The following FHIT variants were observed in gnomAD, a reference collection of about 807,000 sequenced individuals.
The protein encoded by FHIT is bis(5'-adenosyl)-triphosphatase.
FHIT carries 19 observed loss-of-function variants against 17.9 expected under a neutral mutation model. That is an observed-to-expected ratio of 1.06 (90% confidence interval 0.74 to 1.56). The LOEUF (loss-of-function observed/expected upper bound fraction) is 1.56. Ranked by LOEUF, FHIT falls within the 40% of genes most tolerant of loss-of-function variation. FHIT has a pLI of 0.00. For synonymous variants in FHIT, 81 were observed against 69.7 expected (o/e 1.16, Z -0.81); for missense variants, 248 against 189.2 (o/e 1.31, Z -1.82).
At chr3:60,005,353 T>G (rs1005651240) in intron 7 of FHIT, among the ~76,000 whole-genome samples, 2 of 152,128 alleles carry the variant, frequency 1.3e-5, no homozygotes, top group African/African-American at 4.8e-5. Context: ...CCTGAGGGTT[T>G]AGTAGGAGAG....
rs1453357644 is a variant in FHIT at position 59,908,177 on chromosome 3, C to T, written c.348+14169G>A. 2.0e-5 allele frequency among the ~76,000 whole-genome samples: 3 copies of T among 152,242 alleles called. No individual in the cohort carries two copies. The East Asian group carries it at 5.8e-4, about 29-fold the overall frequency. On this transcript the variant is annotated intron_variant, in intron 8 of 9. Coordinates refer to ENST00000492590, the MANE Select transcript of FHIT (RefSeq NM_002012.4). ...ATTATTTGGTCTTCCACAGCTGACT[C>T]ACTGCAAGCCATCCCTTTGAATTTG...
chr3:60,078,320 T>C (rs1046328142), intron 5 of FHIT, among the ~76,000 whole-genome samples: 1 of 152,154 alleles, frequency 6.6e-6, no homozygotes, highest in Non-Finnish European at 1.5e-5. Flanking sequence ...CAGTGTCTCC[T>C]GATATAATGC....
At chr3:60,789,613 G>A (rs1182369788) in intron 4 of FHIT, among the ~76,000 whole-genome samples, 1 of 152,200 alleles carries the variant, frequency 6.6e-6, no homozygotes, top group East Asian at 1.9e-4. Flanking sequence ...ATGGTGGGCA[G>A]CAATGTAAAT....
At chr3:60,532,120 T>A (rs1035660089) in intron 5 of FHIT, among the ~76,000 whole-genome samples, 1 of 152,160 alleles carries the variant, frequency 6.6e-6, no homozygotes, top group Non-Finnish European at 1.5e-5. Context: ...ACTGATTCAA[T>A]AAACTGTTGA....
At chr3:60,041,588 T>C (rs967279477) in intron 5 of FHIT, among the ~76,000 whole-genome samples, 3 of 152,180 alleles carry the variant, frequency 2.0e-5, no homozygotes, top group Admixed American at 6.5e-5. Flanking sequence ...AATGGCGGCA[T>C]CTCAATTAGT....
chr3:59,986,531 A>T (rs1559523570), intron 7 of FHIT, among the ~76,000 whole-genome samples: 363 of 4,578 alleles, frequency 0.079, 1 homozygote, highest in East Asian at 0.23. Context: ...ATATATATAT[A>T]TATATATATA....
chr3:60,755,945 G>A (rs374968418), intron 4 of FHIT, among the ~76,000 whole-genome samples: 3 of 152,128 alleles, frequency 2.0e-5, no homozygotes, highest in Non-Finnish European at 4.4e-5. Flanking sequence ...AGTATTTCCC[G>A]ATTAAACATA....
chr3:60,710,412 C>T (rs555806369), intron 4 of FHIT, among the ~76,000 whole-genome samples: 2 of 152,322 alleles, frequency 1.3e-5, no homozygotes, highest in Admixed American at 1.3e-4. Flanking sequence ...GAGTGCCAGA[C>T]AGTGGGCGCA....
intron 8 of FHIT, among the ~76,000 whole-genome samples, chr3:59,891,597 G>C (rs1424850730): frequency 6.6e-6 from 1 of 152,220 alleles, no homozygotes; most frequent in African/African-American, 2.4e-5. Flanking sequence ...ACACCAGGAA[G>C]CCACTGTGCC....
chr3:60,376,390 G>A (rs893540186), intron 5 of FHIT, among the ~76,000 whole-genome samples: 3 of 152,204 alleles, frequency 2.0e-5, no homozygotes, highest in Admixed American at 6.5e-5. Flanking sequence ...TTTACAAGGT[G>A]TGAACTTTCT....
chr3:60,695,264 C>T (rs944951465), intron 4 of FHIT, among the ~76,000 whole-genome samples: 13 of 151,848 alleles, frequency 8.6e-5, no homozygotes, highest in Non-Finnish European at 1.3e-4. Context: ...GGTGTGGTGG[C>T]GGGTACCTGT....
intron 6 of FHIT, among the ~76,000 whole-genome samples, chr3:60,012,469 A>G (rs1700181191): frequency 6.6e-6 from 1 of 151,762 alleles, no homozygotes; most frequent in African/African-American, 2.4e-5. Flanking sequence ...GGGTTTTGCC[A>G]TGTTGCCCAA....
intron 3 of FHIT, among the ~76,000 whole-genome samples, chr3:61,009,322 G>A (rs931136756): frequency 2.6e-5 from 4 of 152,072 alleles, no homozygotes; most frequent in African/African-American, 9.7e-5. Context: ...TCCCTAATTC[G>A]TCCTTAGTTC....
chr3:61,014,779 C>CAAAAAA (rs869289360), intron 3 of FHIT, among the ~76,000 whole-genome samples: 12 of 65,808 alleles, frequency 1.8e-4, no homozygotes, highest in Middle Eastern at 0.016. Flanking sequence ...GACTCTGCCT[C>CAAAAAA]AAAAAAAAAA....
intron 2 of FHIT, among the ~76,000 whole-genome samples, chr3:61,133,406 G>T (rs1224451437): frequency 6.6e-6 from 1 of 152,286 alleles, no homozygotes; most frequent in East Asian, 1.9e-4. Context: ...CTTCTATACT[G>T]CAATGCCAGG....
At chr3:60,645,474 T>C (rs2039833060) in intron 4 of FHIT, among the ~76,000 whole-genome samples, 1 of 152,134 alleles carries the variant, frequency 6.6e-6, no homozygotes, top group Admixed American at 6.5e-5. Context: ...CCTATTGGGG[T>C]TTTGGGTTAC....
intron 3 of FHIT, among the ~76,000 whole-genome samples, chr3:60,842,621 ATATGAGTGTATATATATATATATATTTTT>A (rs1302552754): frequency 6.4e-5 from 7 of 108,970 alleles, no homozygotes; most frequent in Non-Finnish European, 1.3e-4. Flanking sequence ...ATACATATAT[ATATGAGTGTATATATATATATATATTTTT>A]TTTTTTTTTT....
chr3:60,925,468 T>A (rs1274586226), intron 3 of FHIT, among the ~76,000 whole-genome samples: 4 of 152,140 alleles, frequency 2.6e-5, no homozygotes, highest in African/African-American at 9.7e-5. Flanking sequence ...CTAAGCTTCA[T>A]AAGTGAAGGA....
At chr3:60,642,740 C>G (rs1034368661) in intron 4 of FHIT, among the ~76,000 whole-genome samples, 2 of 152,080 alleles carry the variant, frequency 1.3e-5, no homozygotes, top group Non-Finnish European at 2.9e-5. Flanking sequence ...CTCCCCCGCT[C>G]CAGGGGTATG....
Sources: allele counts gnomAD v4.1 joint callset (sites outside exome capture counted in the v4.1 genomes callset), GRCh38; gene constraint gnomAD v4.1.1; transcripts MANE v1.5; gene names NCBI Gene and HGNC (gene_info 2026-07-23, HGNC 2026-07-21).